XRCC4: variants seen among roughly 807,000 people sequenced by gnomAD.
XRCC4 encodes X-ray repair cross complementing 4.
Under a neutral mutation model 39.1 loss-of-function variants are expected in XRCC4, and 28 were observed. The ratio of observed to expected loss-of-function variants is 0.72; its 90% CI spans 0.53 to 0.98. XRCC4 has a LOEUF of 0.98. Ranked by LOEUF, XRCC4 falls within the 50% of genes least tolerant of loss-of-function variation. The probability of loss-of-function intolerance (pLI) is 0.00; values close to 1 mark genes in which losing one functional copy is unlikely to be tolerated. For synonymous variants in XRCC4, 123 were observed against 126.4 expected, an observed-to-expected ratio of 0.97 and a Z score of 0.18; for missense variants, 350 against 376.4, an observed-to-expected ratio of 0.93 and a Z score of 0.58.
At chr5:83,270,504 A>G (rs772168257) in intron 7 of XRCC4, among the ~76,000 whole-genome samples, 1 of 152,122 alleles carries the variant, frequency 6.6e-6, no homozygotes, top group Non-Finnish European at 1.5e-5. Flanking sequence ...GCATGACTGC[A>G]GCCTACTCCC....
At position 83,282,113 on chromosome 5, in the gene XRCC4, A is replaced by G. The variant is rs556145016; in HGVS notation, c.893+23436A>G. Among the ~76,000 whole-genome samples the G allele has an allele frequency of 3.7e-4, 56 of 152,366 alleles. No homozygotes were observed. In the South Asian group the frequency reaches 3.9e-3, roughly 11 times the overall value. Reference sequence around the variant, plus strand: ...AGAAATAGATTCTGATTCAAATGCTACAATTGGGGTTAGTTACCATTAAAT... The same window carrying G: ...AGAAATAGATTCTGATTCAAATGCTGCAATTGGGGTTAGTTACCATTAAAT... On this transcript the variant is annotated intron_variant, in intron 7 of 7. Transcript: ENST00000396027.
At chr5:83,142,777 G>A (rs977045258) in intron 3 of XRCC4, among the ~76,000 whole-genome samples, 3 of 152,188 alleles carry the variant, frequency 2.0e-5, no homozygotes, top group Admixed American at 6.5e-5. Context: ...ACATCTCAGA[G>A]TCACCAGTTC....
intron 1 of XRCC4, among the ~76,000 whole-genome samples, chr5:83,093,488 C>G (rs1223008833): frequency 1.3e-5 from 2 of 152,188 alleles, no homozygotes; most frequent in Non-Finnish European, 2.9e-5. Flanking sequence ...AGTATTCCAT[C>G]TTAACACCAA....
chr5:83,326,011 G>GA (rs1304075698), intron 7 of XRCC4, among the ~76,000 whole-genome samples: 5 of 151,776 alleles, frequency 3.3e-5, no homozygotes, highest in African/African-American at 1.2e-4. Context: ...ACTAGCATGA[G>GA]ATGGTATCTC....
chr5:83,159,435 G>A (rs938778303), intron 3 of XRCC4, among the ~76,000 whole-genome samples: 1 of 152,150 alleles, frequency 6.6e-6, no homozygotes, highest in African/African-American at 2.4e-5. Context: ...TGCCATGTGA[G>A]TGAAACAGAT....
At chr5:83,143,287 A>C (rs1748271909) in intron 3 of XRCC4, among the ~76,000 whole-genome samples, 1 of 152,150 alleles carries the variant, frequency 6.6e-6, no homozygotes, top group Admixed American at 6.5e-5. Context: ...TACATTTATA[A>C]GTGAAGTGAA....
intron 7 of XRCC4, among the ~76,000 whole-genome samples, chr5:83,292,961 A>G (rs1754972632): frequency 6.6e-6 from 1 of 151,992 alleles, no homozygotes; most frequent in African/African-American, 2.4e-5. Flanking sequence ...ATGGTAATCT[A>G]GGTATAATTA....
chr5:83,111,446 T>C (rs1160016462), intron 3 of XRCC4, among the ~76,000 whole-genome samples: 1 of 152,042 alleles, frequency 6.6e-6, no homozygotes, highest in Non-Finnish European at 1.5e-5. Context: ...AATTTTAAAG[T>C]ATTACAGAGT....
At chr5:83,141,325 G>A (rs1260712233) in intron 3 of XRCC4, among the ~76,000 whole-genome samples, 1 of 152,118 alleles carries the variant, frequency 6.6e-6, no homozygotes, top group African/African-American at 2.4e-5. Flanking sequence ...ATTCCTACAT[G>A]TGTGATTGGT....
chr5:83,158,789 T>C (rs1749074620), intron 3 of XRCC4, among the ~76,000 whole-genome samples: 1 of 152,158 alleles, frequency 6.6e-6, no homozygotes, highest in African/African-American at 2.4e-5. Flanking sequence ...AAATAGATAG[T>C]ATGATAGTCC....
At chr5:83,099,236 A>C (rs1162213715) in intron 1 of XRCC4, among the ~76,000 whole-genome samples, 1 of 152,180 alleles carries the variant, frequency 6.6e-6, no homozygotes, top group African/African-American at 2.4e-5. Context: ...GCACTTTCTG[A>C]TCTGTAAGTA....
intron 7 of XRCC4, 144 bp downstream of exon 7, chr5:83,258,821 C>A: frequency 9.9e-7 from 1 of 1,015,014 alleles, no homozygotes; most frequent in Non-Finnish European, 1.4e-6. Context: ...ATGTTTGAAT[C>A]AATGTATTGT....
At chr5:83,099,913 A>G (rs1313542705) in intron 1 of XRCC4, among the ~76,000 whole-genome samples, 1 of 152,132 alleles carries the variant, frequency 6.6e-6, no homozygotes, top group Non-Finnish European at 1.5e-5. Flanking sequence ...GAGATCGTTC[A>G]TTTGCTCTTA....
intron 7 of XRCC4, among the ~76,000 whole-genome samples, chr5:83,313,583 T>C (rs1264998578): frequency 6.6e-6 from 1 of 152,108 alleles, no homozygotes; most frequent in Non-Finnish European, 1.5e-5. Context: ...AAAAAAAAGA[T>C]TCCTTTCATA....
intron 6 of XRCC4, among the ~76,000 whole-genome samples, chr5:83,242,598 G>A (rs188160609): frequency 3.8e-4 from 58 of 151,906 alleles, no homozygotes; most frequent in East Asian, 3.7e-3. Flanking sequence ...ACAGGTGTGC[G>A]CCACTATGCC....
intron 6 of XRCC4, among the ~76,000 whole-genome samples, chr5:83,209,751 A>G (rs1430175639): frequency 1.4e-5 from 2 of 147,412 alleles, no homozygotes; most frequent in African/African-American, 5.4e-5. Flanking sequence ...GACAATATTT[A>G]TTACAATTAT....
chr5:83,114,353 C>T (rs751280273), intron 3 of XRCC4, among the ~76,000 whole-genome samples: 3 of 152,098 alleles, frequency 2.0e-5, no homozygotes, highest in Admixed American at 6.5e-5. Context: ...TTTATTGCAT[C>T]GTCAGGCTGC....
At chr5:83,202,744 A>T (rs1290345528) in intron 4 of XRCC4, among the ~76,000 whole-genome samples, 3 of 152,212 alleles carry the variant, frequency 2.0e-5, no homozygotes, top group Admixed American at 2.0e-4. Flanking sequence ...TGAATCAATA[A>T]AATAGGAATG....
intron 6 of XRCC4, among the ~76,000 whole-genome samples, chr5:83,214,614 C>T (rs1215780605): frequency 6.6e-6 from 1 of 151,844 alleles, no homozygotes; most frequent in Non-Finnish European, 1.5e-5. Context: ...GGGCAGATCA[C>T]AAGGTCAGGA....
Sources: allele counts gnomAD v4.1 joint callset (sites outside exome capture counted in the v4.1 genomes callset), GRCh38; gene constraint gnomAD v4.1.1; transcripts MANE v1.5; gene names NCBI Gene and HGNC (gene_info 2026-07-23, HGNC 2026-07-21).